Variants in DST observed in about 807,000 individuals in gnomAD.
The protein encoded by DST is dystonin, also known as bullous pemphigoid antigen.
Under a neutral mutation model 875.2 loss-of-function variants are expected in DST, and 253 were observed. That is an observed-to-expected ratio of 0.29 (90% CI 0.26 to 0.32). The LOEUF is 0.32. DST is among the 10% of genes least tolerant of loss of function. The probability of loss-of-function intolerance (pLI) is 1.00; values close to 1 mark genes in which losing one functional copy is unlikely to be tolerated. For missense variants in DST, 8,287 were observed against 9,111.6 expected (o/e 0.91, Z 3.68); for synonymous variants, 3,124 against 3,197.1 (o/e 0.98, Z 0.77).
intron 63 of DST, among the ~76,000 whole-genome samples, chr6:56,534,731 C>A (rs2096963077): frequency 6.6e-6 from 1 of 152,168 alleles, no homozygotes; most frequent in African/African-American, 2.4e-5. Flanking sequence ...TCCCTCCATT[C>A]CAGCACTTTA....
intron 9 of DST, among the ~76,000 whole-genome samples, chr6:56,698,357 G>A (rs892338985): frequency 1.3e-5 from 2 of 149,398 alleles, no homozygotes; most frequent in African/African-American, 2.5e-5. Context: ...ACAGAGTCTC[G>A]CTCTGTTGCC....
At chr6:56,561,143 T>C (rs2097531019) in intron 57 of DST, among the ~76,000 whole-genome samples, 165 bp downstream of exon 57, 1 of 152,168 alleles carries the variant, frequency 6.6e-6, no homozygotes, top group Non-Finnish European at 1.5e-5. Flanking sequence ...TAACTATTAT[T>C]ATCAATCTTT....
At chr6:56,810,905 G>T (rs542824440) in intron 4 of DST, among the ~76,000 whole-genome samples, 1 of 152,152 alleles carries the variant, frequency 6.6e-6, no homozygotes, top group South Asian at 2.1e-4. Context: ...TGGGAAGCTG[G>T]GTATGGTGAC....
intron 77 of DST, among the ~76,000 whole-genome samples, chr6:56,504,830 A>T (rs915955006): frequency 3.3e-5 from 5 of 152,016 alleles, no homozygotes; most frequent in African/African-American, 1.2e-4. Flanking sequence ...CAAGTAGCTC[A>T]GACTATAGGC....
intron 4 of DST, among the ~76,000 whole-genome samples, chr6:56,807,275 C>T (rs780747569): frequency 1.1e-4 from 17 of 152,194 alleles, no homozygotes; most frequent in South Asian, 4.1e-4. Flanking sequence ...ATCCACCCAC[C>T]TTGGCTTCCC....
intron 4 of DST, among the ~76,000 whole-genome samples, chr6:56,751,539 A>T (rs2099587164): frequency 6.6e-6 from 1 of 152,182 alleles, no homozygotes; most frequent in Non-Finnish European, 1.5e-5. Flanking sequence ...AATGTGTGAC[A>T]CTACTGCTGG....
chr6:56,666,286 A>C (rs1358116497), intron 10 of DST, among the ~76,000 whole-genome samples: 1 of 152,178 alleles, frequency 6.6e-6, no homozygotes, highest in African/African-American at 2.4e-5. Context: ...AACTTATAAC[A>C]GTATAATTTA....
chr6:56,681,192 C>A (rs2099155676), intron 9 of DST, among the ~76,000 whole-genome samples: 1 of 152,066 alleles, frequency 6.6e-6, no homozygotes, highest in Non-Finnish European at 1.5e-5. Context: ...CAGAGAATGG[C>A]CCCACCATTT....
intron 4 of DST, 46 bp downstream of exon 4, chr6:56,851,351 C>T: frequency 1.3e-6 from 2 of 1,568,304 alleles, no homozygotes; most frequent in East Asian, 2.3e-5. Flanking sequence ...GGCGAATTTC[C>T]GCAACTCTCT....
Position 56,572,822 on chromosome 6 carries a change from T to A in DST, c.13479A>T (p.Leu4493Phe), listed in dbSNP as rs2097797273. Residue 4493 changes from leucine to phenylalanine, a missense_variant, in exon 52 of 104, where the codon TTA (leucine) becomes TTT (phenylalanine). Around this residue, in one of 10 missense-constraint regions of DST, gnomAD observed 1,513 missense variants for 1,677.8 expected, o/e 0.90. Coordinates refer to ENST00000680361, the MANE Select transcript of DST (RefSeq NM_001374736.1). ...CAGTAAGAGCCTGAGTTTTTGTTTC[T>A]AAAAATGTCTGGAGCTTTTCTGAGA... ...ENLSEKLQTF[L>F]ETKTQALTEV... The A allele has an allele frequency of 6.2e-7, 1 of 1,610,880 alleles. No homozygotes were observed. The highest frequency in any genetic ancestry group is 1.1e-5 in the South Asian group (1 of 90,162).
chr6:56,759,102 T>C (rs2099611114), intron 4 of DST, among the ~76,000 whole-genome samples: 1 of 152,230 alleles, frequency 6.6e-6, no homozygotes, highest in Admixed American at 6.5e-5. Flanking sequence ...AAAGCCACTA[T>C]TATTGTGGGT....
chr6:56,915,195 T>C (rs1473909404), intron 2 of DST, among the ~76,000 whole-genome samples: 1 of 152,226 alleles, frequency 6.6e-6, no homozygotes, highest in Non-Finnish European at 1.5e-5. Context: ...ACATTATCAC[T>C]AGTGACCATG....
At chr6:56,641,121 G>C (rs1226271093) in intron 17 of DST, among the ~76,000 whole-genome samples, 2 of 140,998 alleles carry the variant, frequency 1.4e-5, no homozygotes, top group Non-Finnish European at 3.2e-5. Flanking sequence ...TGCACAGAGA[G>C]AGAGAGAGAG....
At chr6:56,736,740 T>C (rs905891532) in intron 4 of DST, among the ~76,000 whole-genome samples, 2 of 152,220 alleles carry the variant, frequency 1.3e-5, no homozygotes, top group African/African-American at 4.8e-5. Context: ...AACTTGAATG[T>C]AAACAAAAGT....
Position 56,526,430 on chromosome 6 carries a change from G to A in DST, c.18060C>T (p.Tyr6020=), listed in dbSNP as rs1562560453. 1 of 1,613,820 alleles carries A rather than the reference G, an allele frequency of 6.2e-7. No homozygotes were observed. Among genetic ancestry groups the A allele is most frequent in the Non-Finnish European group, 8.5e-7 (1 of 1,179,820 alleles). The part of the protein sequence containing the change: ...EKMVAEDNER[Y]RLVSDTITQK... ...GAGTGATGGTGTCGCTCACTAATCG[G>A]TAGCGCTCATTGTCCTCAGCTACCA... is the stretch of plus-strand genomic sequence containing the variant. The change falls in exon 69 of 104, where the codon TAC becomes TAT. Residue 6020 remains tyrosine (Y), a synonymous_variant. Transcript: ENST00000680361.
intron 4 of DST, among the ~76,000 whole-genome samples, chr6:56,737,796 C>T (rs941176241): frequency 6.6e-6 from 1 of 152,204 alleles, no homozygotes. Flanking sequence ...TACCTACGAC[C>T]TTTCCCAGCA....
intron 4 of DST, among the ~76,000 whole-genome samples, chr6:56,824,838 G>A (rs6930481): frequency 0.017 from 2,590 of 151,484 alleles, 75 homozygotes; most frequent in African/African-American, 0.06. Context: ...AGTGAGGAGC[G>A]TCTCCGCCCC....
chr6:56,509,460 A>C (rs2096419783), intron 74 of DST, among the ~76,000 whole-genome samples, 182 bp downstream of exon 74: 2 of 152,176 alleles, frequency 1.3e-5, no homozygotes, highest in Non-Finnish European at 2.9e-5. Flanking sequence ...CAACCAAATA[A>C]TTTCACAAAC....
At chr6:56,523,564 A>G (rs1583957159) in intron 69 of DST, among the ~76,000 whole-genome samples, 1 of 152,156 alleles carries the variant, frequency 6.6e-6, no homozygotes, top group African/African-American at 2.4e-5. Flanking sequence ...GACAGTTCAC[A>G]AAGTGCTTAT....
Sources: allele counts gnomAD v4.1 joint callset (sites outside exome capture counted in the v4.1 genomes callset), GRCh38; gene constraint gnomAD v4.1.1; regional missense constraint gnomAD v4.1.1; transcripts MANE v1.5; gene names NCBI Gene and HGNC (gene_info 2026-07-23, HGNC 2026-07-21).